The following C11orf65 variants were observed in gnomAD, a reference collection of about 807,000 sequenced individuals.
C11orf65 encodes the protein protein MFI.
A neutral mutation model predicts 35.3 loss-of-function variants in C11orf65; 38 were observed. That is an observed-to-expected ratio of 1.08 (90% CI 0.83 to 1.41). The LOEUF is 1.41. Ranked by LOEUF, C11orf65 falls within the 40% of genes most tolerant of loss-of-function variation. The pLI is 0.00. For missense variants in C11orf65, 370 were observed against 367.1 expected, an observed-to-expected ratio of 1.01 and a Z score of -0.06; for synonymous variants, 105 against 114.4, an observed-to-expected ratio of 0.92 and a Z score of 0.53.
chr11:108,381,796 C>T (rs1206161045), downstream of C11orf65, among the ~76,000 whole-genome samples: 1 of 152,152 alleles, frequency 6.6e-6, no homozygotes, highest in Non-Finnish European at 1.5e-5. Context: ...GACAATCTTC[C>T]TTTTAAGAGA....
downstream of C11orf65, among the ~76,000 whole-genome samples, chr11:108,328,753 T>C (rs1172135250): frequency 6.6e-6 from 1 of 152,308 alleles, no homozygotes; most frequent in Admixed American, 6.5e-5. Flanking sequence ...ACATTAATGA[T>C]AGCTAATGAG....
intron 2 of C11orf65, among the ~76,000 whole-genome samples, chr11:108,441,950 G>A (rs1179667530): frequency 6.6e-6 from 1 of 152,206 alleles, no homozygotes; most frequent in Non-Finnish European, 1.5e-5. Flanking sequence ...GCCAGCAACA[G>A]AACAAAGCTG....
At chr11:108,437,352 A>C (rs1453016637) in intron 2 of C11orf65, among the ~76,000 whole-genome samples, 2 of 152,036 alleles carry the variant, frequency 1.3e-5, no homozygotes, top group Non-Finnish European at 2.9e-5. Context: ...TAAGGAAGCA[A>C]ATAAGGCTGC....
chr11:108,399,465 T>C (rs1565647121), intron 6 of C11orf65, among the ~76,000 whole-genome samples: 1 of 152,150 alleles, frequency 6.6e-6, no homozygotes, highest in East Asian at 1.9e-4. Context: ...CTTTTGATCA[T>C]TTTCTAGGCC....
At chr11:108,447,329 C>T (rs901792367) in intron 2 of C11orf65, among the ~76,000 whole-genome samples, 1 of 152,096 alleles carries the variant, frequency 6.6e-6, no homozygotes, top group African/African-American at 2.4e-5. Flanking sequence ...ACAGAATATA[C>T]ATTTTTTTTT....
chr11:108,378,111 C>T (rs955072059), downstream of C11orf65, among the ~76,000 whole-genome samples: 3 of 152,168 alleles, frequency 2.0e-5, no homozygotes, highest in East Asian at 1.9e-4. Context: ...TGACTTTCTT[C>T]ACAGAATTGG....
downstream of C11orf65, among the ~76,000 whole-genome samples, chr11:108,379,494 T>G (rs2091817001): frequency 6.9e-6 from 1 of 144,906 alleles, no homozygotes; most frequent in African/African-American, 2.5e-5. Flanking sequence ...GGGGAGGGGC[T>G]AGGGATAGCA....
chr11:108,335,361 C>T, intron 2 of C11orf65: 1 of 1,185,056 alleles, frequency 8.4e-7, no homozygotes, highest in Non-Finnish European at 1.1e-6. Flanking sequence ...CAGACATGTA[C>T]AGTGAGGTTG....
chr11:108,350,367 A>G (rs186922703), intron 2 of C11orf65, among the ~76,000 whole-genome samples: 18 of 152,264 alleles, frequency 1.2e-4, no homozygotes, highest in African/African-American at 4.3e-4. Flanking sequence ...TAAACTAGAA[A>G]TCTCAGTCAA....
chr11:108,434,253 C>G (rs1206515481), intron 2 of C11orf65, among the ~76,000 whole-genome samples: 3 of 151,948 alleles, frequency 2.0e-5, no homozygotes, highest in Non-Finnish European at 4.4e-5. Context: ...AGCTGTAATC[C>G]CAGCACTTTG....
chr11:108,377,187 T>C (rs992559297), intron 2 of C11orf65, among the ~76,000 whole-genome samples: 13 of 151,934 alleles, frequency 8.6e-5, no homozygotes, highest in Non-Finnish European at 1.9e-4. Context: ...AAAAAGAGAA[T>C]GTTAGACCAA....
At position 108,436,111 on chromosome 11, in the gene C11orf65, GAAAAA is replaced by G. The variant is rs200441216; in HGVS notation, c.82-4278_82-4274del. Among the ~76,000 whole-genome samples the G allele has an allele frequency of 4.7e-3, 625 of 133,264 alleles. 3 individuals are homozygous for G. The highest frequency in any genetic ancestry group is 0.016 in the African/African-American group (582 of 36,270). 87.4% of individuals were successfully genotyped at this position (133,264 alleles called of 152,430 possible). On this transcript the variant is annotated intron_variant, in intron 2 of 8. Coordinates refer to ENST00000393084, the MANE Select transcript of C11orf65 (RefSeq NM_152587.5). ...TTGCTCCAGGAAAGGATTTTAGGAGGAAAAAAAAAAAAAAGAAAGAAAATAGAAGG... is the reference window on the plus strand; with the variant it reads ...TTGCTCCAGGAAAGGATTTTAGGAGGAAAAAAAAAGAAAGAAAATAGAAGG...
In C11orf65 at chr11:108,365,407, A is replaced by C. The variant is rs587781630; in HGVS notation, c.226+27801T>G. 5.6e-6 allele frequency: 9 copies of C among 1,614,210 alleles called. No homozygotes were observed. The highest frequency in any genetic ancestry group is 6.8e-6 in the Non-Finnish European group (8 of 1,180,046). On this transcript the variant is annotated intron_variant, in intron 2 of 3. Transcript: ENST00000524755. ...GAAACTGAAAGGAGTGGAAGAAGGCACTGTGCTCAGTGTTGGTGGACAAGT... is the reference window on the plus strand; with the variant it reads ...GAAACTGAAAGGAGTGGAAGAAGGCCCTGTGCTCAGTGTTGGTGGACAAGT...
chr11:108,430,717 C>T lies in C11orf65; in HGVS notation c.174+1029G>A, dbSNP rs77463622. On this transcript the variant is annotated intron_variant, in intron 3 of 8. Transcript: ENST00000393084. The stretch of plus-strand genomic sequence containing the variant: ...AAAATTAGCTGGACGCGGTGGCATG[C>T]GCCTATAGTCCCAGTTATTCATGGG... Among the ~76,000 whole-genome samples the T allele has an allele frequency of 5.9e-3, 894 of 151,998 alleles. 10 individuals carry two copies. Among genetic ancestry groups the T allele is most frequent in the African/African-American group, 0.017 (724 of 41,488 alleles).
chr11:108,372,085 T>G (rs1046978181), intron 2 of C11orf65, among the ~76,000 whole-genome samples: 2 of 152,190 alleles, frequency 1.3e-5, no homozygotes, highest in African/African-American at 4.8e-5. Context: ...GATCGTAACG[T>G]TAGGTTACTT....
intron 2 of C11orf65, among the ~76,000 whole-genome samples, chr11:108,457,768 TTTGA>T (rs1383589556): frequency 2.0e-5 from 3 of 152,214 alleles, no homozygotes; most frequent in South Asian, 2.1e-4. Flanking sequence ...CTCATGTTAC[TTTGA>T]TTAAAATATT....
intron 1 of C11orf65, among the ~76,000 whole-genome samples, chr11:108,463,758 T>C (rs1162667425): frequency 2.0e-5 from 3 of 152,158 alleles, no homozygotes; most frequent in African/African-American, 7.2e-5. Context: ...CAATAAATCA[T>C]ATTATTATAA....
Position 108,317,503 on chromosome 11 carries a change from A to G in C11orf65, c.641-8432T>C, listed in dbSNP as rs1032544874. Reference sequence around the variant, plus strand: ...GCAGCATGGAGGAATATGCAGTGGGACCATTGCACTTCCGTCAGGTAAGAA... The same window carrying G: ...GCAGCATGGAGGAATATGCAGTGGGGCCATTGCACTTCCGTCAGGTAAGAA... On this transcript the variant is annotated intron_variant, in intron 6 of 6. Transcript: ENST00000525729. The G allele has an allele frequency of 1.2e-6, 2 of 1,609,870 alleles. No individual in the cohort carries two copies. Among genetic ancestry groups the G allele is most frequent in the Non-Finnish European group, 1.7e-6 (2 of 1,178,298 alleles).
At position 108,391,747 on chromosome 11, in the gene C11orf65, C is replaced by G. The variant is rs79284208; in HGVS notation, c.731+1461G>C. Among the ~76,000 whole-genome samples, 944 of 151,388 alleles carry G rather than the reference C, an allele frequency of 6.2e-3. 11 individuals carry two copies. Among genetic ancestry groups the G allele is most frequent in the African/African-American group, 0.022 (897 of 41,206 alleles). The stretch of plus-strand genomic sequence containing the variant: ...CTGCACCCCATAGCCACCACCACCC[C>G]CTCCCCCCAGTTAATTCTCCACCCC... On this transcript the variant is annotated intron_variant, in intron 7 of 8. Transcript: ENST00000393084.
Sources: allele counts gnomAD v4.1 joint callset (sites outside exome capture counted in the v4.1 genomes callset), GRCh38; gene constraint gnomAD v4.1.1; transcripts MANE v1.5; gene names NCBI Gene and HGNC (gene_info 2026-07-23, HGNC 2026-07-21).